DPYD: variants seen among roughly 807,000 people sequenced by gnomAD.
DPYD encodes dihydropyrimidine dehydrogenase, also known as dihydropyrimidine dehydrogenase [NADP(+)].
In DPYD, 109 loss-of-function variants were observed where a neutral mutation model predicts 116.2. The observed-to-expected ratio is 0.94, with a 90% confidence interval of 0.80 to 1.10. DPYD has a LOEUF of 1.10. Ranked by LOEUF, DPYD falls within the 50% of genes least tolerant of loss-of-function variation. DPYD has a pLI of 0.00. For missense variants in DPYD, 1,302 were observed against 1,254.5 expected, an observed-to-expected ratio of 1.04 and a Z score of -0.57; for synonymous variants, 440 against 432.0, an observed-to-expected ratio of 1.02 and a Z score of -0.23.
At chr1:97,187,841 T>G (rs6692657) in intron 20 of DPYD, among the ~76,000 whole-genome samples, 8,128 of 152,222 alleles carry the variant, frequency 0.053, 735 homozygotes, top group African/African-American at 0.18. Flanking sequence ...CTTGTCCTAG[T>G]GTATACTTTT....
intron 3 of DPYD, among the ~76,000 whole-genome samples, chr1:97,780,438 C>G (rs545054680): frequency 2.0e-5 from 3 of 152,256 alleles, no homozygotes; most frequent in African/African-American, 7.2e-5. Flanking sequence ...TGCACAATAA[C>G]ATAATGCTTA....
chr1:97,280,820 T>C (rs1175336038), intron 18 of DPYD, among the ~76,000 whole-genome samples: 2 of 152,124 alleles, frequency 1.3e-5, no homozygotes, highest in Non-Finnish European at 1.5e-5. Context: ...TGTTGTTTCA[T>C]TACACAGTAG....
intron 12 of DPYD, among the ~76,000 whole-genome samples, chr1:97,540,289 G>C (rs1650329679): frequency 8.5e-6 from 1 of 118,216 alleles, no homozygotes; most frequent in Non-Finnish European, 1.6e-5. Context: ...CTTCGGGTTA[G>C]ATTAACTGGT....
chr1:97,229,805 A>T (rs1179953457), intron 19 of DPYD, among the ~76,000 whole-genome samples: 3 of 151,898 alleles, frequency 2.0e-5, no homozygotes, highest in Non-Finnish European at 4.4e-5. Context: ...CCTATGTGTG[A>T]AACTTTACAT....
chr1:97,575,625 T>C (rs1653215694), intron 10 of DPYD, among the ~76,000 whole-genome samples: 1 of 152,086 alleles, frequency 6.6e-6, no homozygotes, highest in Non-Finnish European at 1.5e-5. Flanking sequence ...ATTAGCAATA[T>C]AAAACAAAAC....
intron 18 of DPYD, among the ~76,000 whole-genome samples, chr1:97,282,161 GC>G (rs1665362662): frequency 1.3e-5 from 2 of 151,948 alleles, no homozygotes; most frequent in African/African-American, 4.8e-5. Context: ...TGACTACAAA[GC>G]TTTTGTTGAG....
At chr1:97,222,217 C>T (rs886266029) in intron 19 of DPYD, among the ~76,000 whole-genome samples, 1 of 151,974 alleles carries the variant, frequency 6.6e-6, no homozygotes, top group Non-Finnish European at 1.5e-5. Context: ...GCATACAATT[C>T]AAATAGGAAC....
intron 14 of DPYD, among the ~76,000 whole-genome samples, chr1:97,448,582 G>T (rs1188553727): frequency 6.6e-6 from 1 of 151,206 alleles, no homozygotes; most frequent in Admixed American, 6.6e-5. Flanking sequence ...TGTAGATCAG[G>T]TTTACAAACA....
rs72977712 is a variant in DPYD at position 97,688,265 on chromosome 1, T to G, written c.762+3452A>C. 5.0e-3 allele frequency among the ~76,000 whole-genome samples: 766 copies of G among 152,002 alleles called. 5 individuals carry two copies. The highest frequency in any genetic ancestry group is 0.018 in the African/African-American group (727 of 41,446). ...TGATAACTGTTTATTTTAAAGAAAA[T>G]ATTAACTGGATAGGAAAACACAAAG... On this transcript the variant is annotated intron_variant, in intron 7 of 22. Transcript: ENST00000370192.
At chr1:97,695,861 G>T (rs1471606615) in intron 6 of DPYD, among the ~76,000 whole-genome samples, 1 of 152,142 alleles carries the variant, frequency 6.6e-6, no homozygotes, top group East Asian at 1.9e-4. Flanking sequence ...CGGGCGCAGT[G>T]GCTCACGCCT....
chr1:97,611,428 T>C (rs572836861), intron 8 of DPYD, among the ~76,000 whole-genome samples: 4 of 152,180 alleles, frequency 2.6e-5, no homozygotes, highest in Admixed American at 2.6e-4. Context: ...AGTGAGTTTA[T>C]ACAAAAATGC....
intron 13 of DPYD, among the ~76,000 whole-genome samples, chr1:97,487,587 G>A (rs547286160): frequency 6.6e-6 from 1 of 152,170 alleles, no homozygotes; most frequent in South Asian, 2.1e-4. Flanking sequence ...GCAGGAGAAT[G>A]GCGTGAACCT....
chr1:97,319,580 G>T (rs866309263), intron 16 of DPYD, among the ~76,000 whole-genome samples: 2,807 of 136,478 alleles, frequency 0.021, 78 homozygotes, highest in African/African-American at 0.063. Flanking sequence ...TGAAATTGTG[G>T]CAATAATCAA....
chr1:97,310,143 A>AATCTG (rs1667415701), intron 16 of DPYD, among the ~76,000 whole-genome samples: 1 of 151,794 alleles, frequency 6.6e-6, no homozygotes, highest in East Asian at 1.9e-4. Flanking sequence ...GCTTTCTTAG[A>AATCTG]ATCTGGCATT....
intron 2 of DPYD, among the ~76,000 whole-genome samples, chr1:97,848,617 T>C (rs1670423185): frequency 6.6e-6 from 1 of 152,210 alleles, no homozygotes; most frequent in Non-Finnish European, 1.5e-5. Flanking sequence ...AGCACAATTA[T>C]TATATACAAT....
chr1:97,102,872 CT>C (rs1650850072), intron 20 of DPYD, among the ~76,000 whole-genome samples: 4 of 151,876 alleles, frequency 2.6e-5, no homozygotes, highest in Admixed American at 1.3e-4. Context: ...TGCCAGACTC[CT>C]TGGAAAACTG....
chr1:97,406,085 C>T (rs1198663880), intron 14 of DPYD, among the ~76,000 whole-genome samples: 1 of 151,924 alleles, frequency 6.6e-6, no homozygotes, highest in Non-Finnish European at 1.5e-5. Flanking sequence ...AGAAATTCAT[C>T]AATTATAGTT....
chr1:97,760,973 T>C (rs537952439), intron 3 of DPYD, among the ~76,000 whole-genome samples: 24 of 152,102 alleles, frequency 1.6e-4, no homozygotes, highest in Non-Finnish European at 3.2e-4. Context: ...TAAAACCGTA[T>C]GCCAAAGAGA....
chr1:97,852,492 T>C (rs1245809544), intron 2 of DPYD, among the ~76,000 whole-genome samples: 1 of 152,110 alleles, frequency 6.6e-6, no homozygotes, highest in African/African-American at 2.4e-5. Context: ...TAAAACATAA[T>C]AACATGGAAT....
Sources: gnomAD v4.1 joint callset for allele counts (sites outside exome capture counted in the v4.1 genomes callset) on GRCh38, gnomAD v4.1.1 for gene constraint, MANE v1.5 for transcripts, NCBI Gene and HGNC (gene_info 2026-07-23, HGNC 2026-07-21) for gene names.